OPCML: variants seen among roughly 807,000 people sequenced by gnomAD.
OPCML encodes the protein opioid-binding protein/cell adhesion molecule.
Under a neutral mutation model 37.8 loss-of-function variants are expected in OPCML, and 13 were observed. The observed-to-expected ratio is 0.34, with a 90% confidence interval of 0.22 to 0.55. OPCML has a LOEUF of 0.55. Among genes scored for constraint, OPCML ranks in the 20% least tolerant of loss-of-function variants. The pLI is 0.91. For synonymous variants in OPCML, 176 were observed against 168.8 expected, an observed-to-expected ratio of 1.04 and a Z score of -0.33; for missense variants, 341 against 435.6, an observed-to-expected ratio of 0.78 and a Z score of 1.93.
intron 1 of OPCML, among the ~76,000 whole-genome samples, chr11:133,171,711 C>A (rs1950290880): frequency 6.6e-6 from 1 of 152,184 alleles, no homozygotes; most frequent in Admixed American, 6.5e-5. Context: ...TATCTGCTCT[C>A]CCAGGAGAAG....
chr11:132,644,597 C>T (rs1591664632), intron 3 of OPCML, among the ~76,000 whole-genome samples: 1 of 152,176 alleles, frequency 6.6e-6, no homozygotes, highest in East Asian at 1.9e-4. Flanking sequence ...GATTTGGTAG[C>T]TTGTATCTCA....
At chr11:132,827,807 A>ATTTTT (rs71477776) in intron 2 of OPCML, among the ~76,000 whole-genome samples, 6,495 of 149,014 alleles carry the variant, frequency 0.044, 192 homozygotes, top group Middle Eastern at 0.089. Flanking sequence ...GCCTGGCTGA[A>ATTTTT]TTTTTTTTTT....
Position 132,418,332 on chromosome 11 carries a change from T to C in OPCML, c.*1861A>G, listed in dbSNP as rs1462522463. ...ACCTGTGCGGTCTGCAATGCCTTTA[T>C]TTTGAATCCCAGGCAACTTTGCTGG... On this transcript the variant is annotated 3_prime_UTR_variant, in exon 8 of 8. Coordinates refer to ENST00000524381, the MANE Select transcript of OPCML (RefSeq NM_001012393.5). 5 of 152,220 alleles carry C rather than the reference T, an allele frequency of 3.3e-5. No homozygotes were observed. The highest frequency in any genetic ancestry group is 1.2e-4 in the African/African-American group (5 of 41,464). The allele number at this position is 152,220 out of a possible 1,614,324, so 9.4% of individuals were successfully genotyped here.
intron 1 of OPCML, among the ~76,000 whole-genome samples, chr11:133,225,336 T>C (rs560202311): frequency 1.4e-4 from 22 of 152,318 alleles, no homozygotes; most frequent in African/African-American, 4.8e-4. Flanking sequence ...TTCAGCTCTA[T>C]AGGCTCATGG....
chr11:133,420,590 A>G lies in OPCML; in HGVS notation c.61+111674T>C, dbSNP rs754977349. The G allele has an allele frequency of 7.1e-6, 7 of 985,030 alleles. No individual in the cohort carries two copies. The Admixed American group carries it at 2.5e-4, about 35-fold the overall frequency. The allele number at this position is 985,030 out of a possible 1,614,324, so 61.0% of individuals were successfully genotyped here. On this transcript the variant is annotated intron_variant, in intron 1 of 7. Transcript: ENST00000524381. Reference sequence around the variant, plus strand: ...TTTACTCCCTCATTAACACTGAAACATTATTATTTATCACTATCTGTGGTA... The same window carrying G: ...TTTACTCCCTCATTAACACTGAAACGTTATTATTTATCACTATCTGTGGTA...
At chr11:133,216,638 A>G (rs1490508368) in intron 1 of OPCML, among the ~76,000 whole-genome samples, 1 of 152,150 alleles carries the variant, frequency 6.6e-6, no homozygotes, top group African/African-American at 2.4e-5. Flanking sequence ...ACAGAAGAGG[A>G]AATTAAGGCT....
intron 1 of OPCML, among the ~76,000 whole-genome samples, chr11:133,046,199 G>C (rs1476920510): frequency 6.6e-6 from 1 of 152,154 alleles, no homozygotes; most frequent in Non-Finnish European, 1.5e-5. Context: ...GGAAAGCTGA[G>C]GAGGAGAACA....
intron 4 of OPCML, among the ~76,000 whole-genome samples, chr11:132,496,729 T>C (rs755595613): frequency 6.6e-5 from 10 of 152,244 alleles, no homozygotes; most frequent in Non-Finnish European, 1.2e-4. Context: ...ACCAAGATTA[T>C]AAAGTTCTAC....
At chr11:132,902,142 G>C (rs969401942) in intron 2 of OPCML, among the ~76,000 whole-genome samples, 1 of 152,160 alleles carries the variant, frequency 6.6e-6, no homozygotes, top group Non-Finnish European at 1.5e-5. Context: ...AATCAAGCTC[G>C]GGGTCCAGGA....
At chr11:133,147,667 T>TA (rs1949916688) in intron 1 of OPCML, among the ~76,000 whole-genome samples, 1 of 152,136 alleles carries the variant, frequency 6.6e-6, no homozygotes, top group Non-Finnish European at 1.5e-5. Context: ...AAAGCCGATG[T>TA]AACCCGCCCT....
At chr11:132,819,607 T>C (rs916666909) in intron 2 of OPCML, among the ~76,000 whole-genome samples, 2 of 152,186 alleles carry the variant, frequency 1.3e-5, no homozygotes, top group Non-Finnish European at 2.9e-5. Flanking sequence ...TTTAATGCTA[T>C]TCAACATGCT....
intron 2 of OPCML, among the ~76,000 whole-genome samples, chr11:132,681,293 C>T (rs1942931376): frequency 6.6e-6 from 1 of 152,194 alleles, no homozygotes; most frequent in Non-Finnish European, 1.5e-5. Context: ...TTTCCAAAAC[C>T]ATCCCTGGCC....
chr11:132,788,444 G>A (rs1937658489), intron 2 of OPCML, among the ~76,000 whole-genome samples: 1 of 151,956 alleles, frequency 6.6e-6, no homozygotes, highest in South Asian at 2.1e-4. Context: ...TTATATCTAA[G>A]GATAACACAA....
In OPCML at chr11:133,162,308, G is replaced by A. The variant is rs191171361; in HGVS notation, c.62-219298C>T. Among the ~76,000 whole-genome samples the A allele has an allele frequency of 3.1e-4, 47 of 152,298 alleles. 1 individual carries two copies. The highest frequency in any genetic ancestry group is 1.1e-3 in the African/African-American group (45 of 41,568). On this transcript the variant is annotated intron_variant, in intron 1 of 7. Transcript: ENST00000524381. ...GACAAGGCCCAGAAGCAACAAGAAG[G>A]CACTCTCAGGGCTGGTGAGCAGGCA... is the stretch of plus-strand genomic sequence containing the variant.
chr11:133,376,323 C>T (rs1944803266), intron 1 of OPCML, among the ~76,000 whole-genome samples: 1 of 152,010 alleles, frequency 6.6e-6, no homozygotes. Flanking sequence ...TTTACACAAA[C>T]ATGATAGCAA....
intron 3 of OPCML, among the ~76,000 whole-genome samples, chr11:132,563,803 CAACAACAAAAA>C (rs2096416027): frequency 7.2e-6 from 1 of 138,630 alleles, no homozygotes; most frequent in South Asian, 2.4e-4. Flanking sequence ...ACGAAAACAA[CAACAACAAAAA>C]AACAGAAAAA....
rs913726298 is a variant in OPCML, at chr11:133,118,787, A to G, written c.62-175777T>C. Among the ~76,000 whole-genome samples, 11 of 152,276 alleles carry G rather than the reference A, an allele frequency of 7.2e-5. No homozygotes were observed. In the East Asian group the frequency reaches 1.9e-3, roughly 27 times the overall value. ...GGCTGACAGCTAAGTATTCCTGGCC[A>G]TGCCTCCCTCTCCCAATAAAGTGCT... On this transcript the variant is annotated intron_variant, in intron 1 of 7. Transcript: ENST00000524381.
intron 3 of OPCML, among the ~76,000 whole-genome samples, chr11:132,585,642 A>C (rs1199553239): frequency 6.6e-6 from 1 of 152,184 alleles, no homozygotes; most frequent in Non-Finnish European, 1.5e-5. Context: ...AGGATGGGTC[A>C]AATTTTTCAA....
rs543496898 is a variant in OPCML at position 132,516,903 on chromosome 11, A to G, written c.505+12158T>C. Among the ~76,000 whole-genome samples the G allele has an allele frequency of 3.9e-5, 6 of 152,212 alleles. No homozygotes were observed. In the South Asian group the frequency reaches 1.0e-3, roughly 26 times the overall value. On this transcript the variant is annotated intron_variant, in intron 4 of 7. Coordinates refer to ENST00000524381, the MANE Select transcript of OPCML (RefSeq NM_001012393.5). ...TGACTCTAGCTGATTTAGATGTCGA[A>G]CCTCTTCTGCTGCCCACCCAGAGTT...
Sources: allele counts gnomAD v4.1 joint callset (sites outside exome capture counted in the v4.1 genomes callset), GRCh38; gene constraint gnomAD v4.1.1; transcripts MANE v1.5; gene names NCBI Gene and HGNC (gene_info 2026-07-23, HGNC 2026-07-21).